Variants in CHRM3 observed in about 807,000 individuals in gnomAD.
CHRM3 encodes the protein cholinergic receptor muscarinic 3.
A neutral mutation model predicts 41.8 loss-of-function variants in CHRM3; 11 were observed. That is an observed-to-expected ratio of 0.26 (90% CI 0.17 to 0.44). The LOEUF is 0.44. CHRM3 is among the 20% of genes least tolerant of loss of function. CHRM3 has a pLI of 1.00. For missense variants in CHRM3, 571 were observed against 745.4 expected (o/e 0.77, Z 2.72); for synonymous variants, 297 against 301.4 (o/e 0.99, Z 0.15).
intron 2 of CHRM3, among the ~76,000 whole-genome samples, chr1:239,517,097 T>C (rs2148237729): frequency 6.6e-6 from 1 of 152,316 alleles, no homozygotes; most frequent in South Asian, 2.1e-4. Flanking sequence ...GTAATGTACT[T>C]GAATCATCCT....
chr1:239,652,200 C>G (rs553612105), intron 4 of CHRM3, among the ~76,000 whole-genome samples: 12 of 152,270 alleles, frequency 7.9e-5, no homozygotes, highest in African/African-American at 2.9e-4. Context: ...CCATACTGAG[C>G]TCTCTGGTCC....
chr1:239,606,423 C>T (rs893512171), intron 3 of CHRM3, among the ~76,000 whole-genome samples: 2 of 151,928 alleles, frequency 1.3e-5, no homozygotes, highest in Non-Finnish European at 2.9e-5. Flanking sequence ...CTACAGGCGC[C>T]CACCAGCACG....
At chr1:239,515,699 T>C (rs1669222148) in intron 2 of CHRM3, among the ~76,000 whole-genome samples, 1 of 152,192 alleles carries the variant, frequency 6.6e-6, no homozygotes, top group South Asian at 2.1e-4. Flanking sequence ...AGGCAGAAAT[T>C]TGCATCTTAA....
intron 1 of CHRM3, among the ~76,000 whole-genome samples, chr1:239,481,283 T>G (rs1572446194): frequency 6.6e-6 from 1 of 152,342 alleles, no homozygotes; most frequent in Admixed American, 6.5e-5. Context: ...TAACTATGTA[T>G]AGACTACTAA....
chr1:239,560,925 A>G lies in CHRM3; in HGVS notation c.-313+15176A>G, dbSNP rs955768676. Among the ~76,000 whole-genome samples the G allele has an allele frequency of 7.9e-5, 12 of 151,614 alleles. 1 individual carries two copies. Among genetic ancestry groups the G allele is most frequent in the Admixed American group, 7.9e-4 (12 of 15,220 alleles). Reference sequence around the variant, plus strand: ...CCCATCTGTCTCATCTCCCTTTCCCAGGCTTCACTCCTTCCCCAGATCTAG... The same window carrying G: ...CCCATCTGTCTCATCTCCCTTTCCCGGGCTTCACTCCTTCCCCAGATCTAG... On this transcript the variant is annotated intron_variant, in intron 3 of 6. Coordinates refer to ENST00000676153, the MANE Select transcript of CHRM3 (RefSeq NM_001375978.1).
intron 2 of CHRM3, among the ~76,000 whole-genome samples, chr1:239,501,655 A>C (rs1668247990): frequency 6.6e-6 from 1 of 152,108 alleles, no homozygotes; most frequent in Non-Finnish European, 1.5e-5. Flanking sequence ...GGAGACCAAG[A>C]CCATTCTGGC....
chr1:239,897,585 TAATCAGCA>T (rs1454478819), intron 6 of CHRM3, among the ~76,000 whole-genome samples: 2 of 152,194 alleles, frequency 1.3e-5, no homozygotes, highest in Non-Finnish European at 2.9e-5. Context: ...TGTTGAACAG[TAATCAGCA>T]AATCTGTTTG....
intron 1 of CHRM3, among the ~76,000 whole-genome samples, chr1:239,465,799 T>A (rs1379957457): frequency 6.6e-6 from 1 of 152,106 alleles, no homozygotes; most frequent in Non-Finnish European, 1.5e-5. Context: ...GTGAGAATTT[T>A]TTTTCAGTAA....
chr1:239,480,543 ATTTTTTTTTTTT>A (rs745979239), intron 1 of CHRM3, among the ~76,000 whole-genome samples: 2 of 110,718 alleles, frequency 1.8e-5, no homozygotes, highest in African/African-American at 4.0e-5. Flanking sequence ...CGATAGCCCA[ATTTTTTTTTTTT>A]TTTTTTTTTT....
chr1:239,780,379 T>C (rs1406406775), intron 5 of CHRM3, among the ~76,000 whole-genome samples: 1 of 152,226 alleles, frequency 6.6e-6, no homozygotes, highest in Non-Finnish European at 1.5e-5. Context: ...TAAGAAAATA[T>C]GTTGAGCATG....
chr1:239,781,022 G>A (rs1668473240), intron 5 of CHRM3, among the ~76,000 whole-genome samples: 1 of 152,044 alleles, frequency 6.6e-6, no homozygotes, highest in Non-Finnish European at 1.5e-5. Context: ...CTTTTAACAG[G>A]TCTTGAAGTA....
chr1:239,768,220 G>A (rs893708445), intron 5 of CHRM3, among the ~76,000 whole-genome samples: 1 of 152,148 alleles, frequency 6.6e-6, no homozygotes, highest in Non-Finnish European at 1.5e-5. Context: ...GATCTATTTG[G>A]TAACGTAAAT....
In CHRM3 at chr1:239,748,989, A is replaced by G. The variant is rs1013342023; in HGVS notation, c.-147+70701A>G. On this transcript the variant is annotated intron_variant, in intron 5 of 6. Coordinates refer to ENST00000676153, the MANE Select transcript of CHRM3 (RefSeq NM_001375978.1). This position sits in a 1 kb window ranked among gnomAD's most constrained non-coding sequence, Gnocchi z 4.3. ...AAATGCTCAGGAAAGACGGCTTCTC[A>G]TTATGGTGCAGGTAGGGAAAACCTG... Among the ~76,000 whole-genome samples, 2 of 152,136 alleles carry G rather than the reference A, an allele frequency of 1.3e-5. No individual in the cohort carries two copies. The highest frequency in any genetic ancestry group is 4.8e-5 in the African/African-American group (2 of 41,436).
chr1:239,449,755 C>A (rs61834690), intron 1 of CHRM3, among the ~76,000 whole-genome samples: 2 of 137,082 alleles, frequency 1.5e-5, no homozygotes, highest in South Asian at 4.6e-4. Context: ...TGTGTGTGTG[C>A]GTGTGTGTGT....
chr1:239,405,729 C>T (rs1432043427), intron 1 of CHRM3, among the ~76,000 whole-genome samples: 1 of 151,944 alleles, frequency 6.6e-6, no homozygotes, highest in Admixed American at 6.6e-5. Flanking sequence ...CAAAATGCAC[C>T]TCTTGATGTG....
intron 3 of CHRM3, among the ~76,000 whole-genome samples, chr1:239,593,955 A>T (rs1345553044): frequency 6.6e-6 from 1 of 152,190 alleles, no homozygotes; most frequent in Admixed American, 6.5e-5. Flanking sequence ...TTTCCATATC[A>T]TTAACATCTT....
chr1:239,584,108 CT>C (rs769127124), intron 3 of CHRM3, among the ~76,000 whole-genome samples: 17,158 of 124,308 alleles, frequency 0.14, 610 homozygotes, highest in African/African-American at 0.2. Context: ...TCTTCTTCTT[CT>C]TTTTTTTTTT....
chr1:239,761,201 C>T (rs1036360885), intron 5 of CHRM3, among the ~76,000 whole-genome samples: 1 of 152,114 alleles, frequency 6.6e-6, no homozygotes. Flanking sequence ...TTATTTCAGA[C>T]ATTGCATATT....
chr1:239,455,826 G>C (rs1165728687), intron 1 of CHRM3, among the ~76,000 whole-genome samples: 1 of 152,148 alleles, frequency 6.6e-6, no homozygotes, highest in Non-Finnish European at 1.5e-5. Flanking sequence ...TAAGTGTAAA[G>C]TGTTTATAAA....
Sources: gnomAD v4.1 joint callset for allele counts (sites outside exome capture counted in the v4.1 genomes callset) on GRCh38, gnomAD v4.1.1 for gene constraint, Gnocchi (gnomAD v3.1) non-coding constraint, MANE v1.5 for transcripts, NCBI Gene and HGNC (gene_info 2026-07-23, HGNC 2026-07-21) for gene names.